Variants in ARHGAP22 observed in about 807,000 individuals in gnomAD.
ARHGAP22 encodes the protein Rho GTPase activating protein 22.
Under a neutral mutation model 59.1 loss-of-function variants are expected in ARHGAP22, and 48 were observed. The ratio of observed to expected loss-of-function variants is 0.81; its 90% CI spans 0.64 to 1.03. The LOEUF is 1.03. Ranked by LOEUF, ARHGAP22 falls within the 50% of genes least tolerant of loss-of-function variation. The pLI, the probability that ARHGAP22 is intolerant of heterozygous loss-of-function variation, is 0.00. For synonymous variants in ARHGAP22, 445 were observed against 416.4 expected, an observed-to-expected ratio of 1.07 and a Z score of -0.84; for missense variants, 1,015 against 958.7, an observed-to-expected ratio of 1.06 and a Z score of -0.78.
Position 48,604,946 on chromosome 10 carries a change from T to A in ARHGAP22, c.-150A>T. The A allele has an allele frequency of 6.5e-7, 1 of 1,531,390 alleles. No individual in the cohort carries two copies. Among genetic ancestry groups the A allele is most frequent in the Non-Finnish European group, 8.8e-7 (1 of 1,142,490 alleles). 94.9% of individuals were successfully genotyped at this position (1,531,390 alleles called of 1,614,324 possible). A position where few individuals can be genotyped will look rare whatever the true frequency, so the allele number is the denominator to read the frequency against. On this transcript the variant is annotated 5_prime_UTR_variant, in exon 1 of 10. Transcript: ENST00000249601. ...CACCCGTCAGGCTCCCTCGGCTACC[T>A]CTCCTGGCTCCGGACGGACGGCTCG...
chr10:48,522,975 A>G (rs935739644), intron 3 of ARHGAP22, among the ~76,000 whole-genome samples: 1 of 152,242 alleles, frequency 6.6e-6, no homozygotes, highest in African/African-American at 2.4e-5. Context: ...TAAGTATTAT[A>G]TATGTTATAA....
chr10:48,590,475 G>A (rs2894170), intron 1 of ARHGAP22, among the ~76,000 whole-genome samples: 19,755 of 152,072 alleles, frequency 0.13, 1,461 homozygotes, highest in Non-Finnish European at 0.17. Context: ...TCCTCTGCTC[G>A]GAAGTGCCCC....
chr10:48,516,636 A>T (rs1274664880), intron 3 of ARHGAP22, among the ~76,000 whole-genome samples: 1 of 152,250 alleles, frequency 6.6e-6, no homozygotes, highest in Non-Finnish European at 1.5e-5. Context: ...TACCAAAACC[A>T]ACTCAAAAAG....
intron 6 of ARHGAP22, 150 bp from the exon 7 acceptor site, chr10:48,454,311 C>A: frequency 1.4e-6 from 1 of 718,016 alleles, no homozygotes; most frequent in Non-Finnish European, 2.4e-6. Context: ...TCCACCTCCC[C>A]TCAAGGAGTG....
At chr10:48,480,341 G>A (rs1232590621) in intron 3 of ARHGAP22, among the ~76,000 whole-genome samples, 1 of 152,174 alleles carries the variant, frequency 6.6e-6, no homozygotes, top group African/African-American at 2.4e-5. Context: ...CAGAAGGATC[G>A]GAAAACTCAG....
At chr10:48,464,706 C>T (rs577528331) in intron 4 of ARHGAP22, among the ~76,000 whole-genome samples, 8 of 152,316 alleles carry the variant, frequency 5.3e-5, no homozygotes, top group South Asian at 4.1e-4. Context: ...GTCTGGTGGA[C>T]GTCCTGGCTA....
chr10:48,518,498 G>A (rs530824119), intron 3 of ARHGAP22, among the ~76,000 whole-genome samples: 19 of 152,336 alleles, frequency 1.2e-4, no homozygotes, highest in African/African-American at 4.1e-4. Flanking sequence ...TCAGGAAATA[G>A]TGACACTTAG....
intron 4 of ARHGAP22, among the ~76,000 whole-genome samples, chr10:48,470,424 T>C (rs1292676051): frequency 6.6e-6 from 1 of 152,204 alleles, no homozygotes; most frequent in African/African-American, 2.4e-5. Flanking sequence ...TGGCTGTGGC[T>C]GGAGGCCATT....
chr10:48,450,288 C>G lies in ARHGAP22; in HGVS notation c.1841G>C (p.Arg614Pro). Residue 614 changes from arginine to proline, a missense_variant, in exon 9 of 10, where the codon CGG becomes CCG. Coordinates refer to ENST00000249601, the MANE Select transcript of ARHGAP22 (RefSeq NM_021226.4). The stretch of plus-strand genomic sequence containing the variant: ...TTTCACACTCCTCTCGTACTCAGTC[C>G]GCTGGCGGCACAGCTCGGCCCTGAG... ...TELRAELCRQ[R>P]TEYERSVKRI... The G allele has an allele frequency of 6.2e-7, 1 of 1,609,754 alleles. No individual in the cohort carries two copies. Among genetic ancestry groups the G allele is most frequent in the Non-Finnish European group, 8.5e-7 (1 of 1,178,616 alleles).
At chr10:48,431,262 C>G in the ARHGAP22 span, 1 of 1,610,118 alleles carries the variant, frequency 6.2e-7, no homozygotes, top group Non-Finnish European at 8.5e-7. Context: ...GGGCAGCCCT[C>G]TCCTTTAGGT....
At chr10:48,499,659 G>A (rs1589772906) in intron 3 of ARHGAP22, among the ~76,000 whole-genome samples, 1 of 152,188 alleles carries the variant, frequency 6.6e-6, no homozygotes, top group Non-Finnish European at 1.5e-5. Flanking sequence ...AGGGTGAGCT[G>A]TTATTACTCC....
At chr10:48,615,470 C>A (rs546214856) in intron 1 of ARHGAP22, among the ~76,000 whole-genome samples, 1 of 152,290 alleles carries the variant, frequency 6.6e-6, no homozygotes, top group East Asian at 1.9e-4. Flanking sequence ...ACAACAGATC[C>A]TGGAAAGAAG....
chr10:48,548,469 G>T (rs1281461427), intron 3 of ARHGAP22, among the ~76,000 whole-genome samples: 2 of 152,210 alleles, frequency 1.3e-5, no homozygotes, highest in African/African-American at 4.8e-5. Flanking sequence ...ATAGCATTGT[G>T]CTAATTCCAG....
intron 1 of ARHGAP22, among the ~76,000 whole-genome samples, chr10:48,636,708 G>A (rs1488698320): frequency 6.6e-6 from 1 of 152,192 alleles, no homozygotes; most frequent in Non-Finnish European, 1.5e-5. Context: ...TATAGTCATC[G>A]CTAGTAGGAC....
upstream of ARHGAP22, among the ~76,000 whole-genome samples, chr10:48,654,048 C>T (rs1446715953): frequency 6.6e-6 from 1 of 152,140 alleles, no homozygotes; most frequent in Non-Finnish European, 1.5e-5. Flanking sequence ...AAAGAAAATA[C>T]CACCAGGTAA....
intron 1 of ARHGAP22, among the ~76,000 whole-genome samples, chr10:48,613,428 T>C (rs1331279961): frequency 6.6e-6 from 1 of 152,224 alleles, no homozygotes; most frequent in Non-Finnish European, 1.5e-5. Flanking sequence ...AAGCATTCAC[T>C]GTATCAGTTG....
At chr10:48,564,553 A>G (rs1378048251) in intron 2 of ARHGAP22, among the ~76,000 whole-genome samples, 1 of 152,182 alleles carries the variant, frequency 6.6e-6, no homozygotes, top group Non-Finnish European at 1.5e-5. Flanking sequence ...TAAAATTTAA[A>G]CAACGTTAAA....
intron 1 of ARHGAP22, among the ~76,000 whole-genome samples, chr10:48,588,573 G>A (rs1470743206): frequency 6.6e-6 from 1 of 152,188 alleles, no homozygotes; most frequent in Non-Finnish European, 1.5e-5. Flanking sequence ...AGGGTCCCCA[G>A]GAGCAGGCCC....
chr10:48,531,668 GAGAAGT>G (rs2054861641), intron 3 of ARHGAP22, among the ~76,000 whole-genome samples: 1 of 4,330 alleles, frequency 2.3e-4, no homozygotes, highest in Non-Finnish European at 1.3e-3. Context: ...CCGAAGTACA[GAGAAGT>G]GAGGGCACCG....
Sources: gnomAD v4.1 joint callset for allele counts (sites outside exome capture counted in the v4.1 genomes callset) on GRCh38, gnomAD v4.1.1 for gene constraint, MANE v1.5 for transcripts, NCBI Gene and HGNC (gene_info 2026-07-23, HGNC 2026-07-21) for gene names.